LTBP1: variants seen among roughly 807,000 people sequenced by gnomAD.
LTBP1 encodes latent transforming growth factor beta binding protein 1.
LTBP1 carries 129 observed loss-of-function variants against 207.6 expected under a neutral mutation model. That is an observed-to-expected ratio of 0.62 (90% CI 0.54 to 0.72). The LOEUF is 0.72. LTBP1 is among the 30% of genes least tolerant of loss of function. The pLI, the probability that LTBP1 is intolerant of heterozygous loss-of-function variation, is 0.00. For synonymous variants in LTBP1, 963 were observed against 833.7 expected, an observed-to-expected ratio of 1.16 and a Z score of -2.67; for missense variants, 2,281 against 2,217.2, an observed-to-expected ratio of 1.03 and a Z score of -0.58.
chr2:33,069,095 T>G lies in LTBP1; in HGVS notation c.864-41487T>G, dbSNP rs531685767. Among the ~76,000 whole-genome samples, 6 of 152,342 alleles carry G rather than the reference T, an allele frequency of 3.9e-5. No individual in the cohort carries two copies. The South Asian group carries it at 1.2e-3, about 32-fold the overall frequency. Reference sequence around the variant, plus strand: ...GAAGTTAAGCTTACTTAAAGTTTACTCTTGTTCTGAAATTGTGTTAAGTTG... The same window carrying G: ...GAAGTTAAGCTTACTTAAAGTTTACGCTTGTTCTGAAATTGTGTTAAGTTG... On this transcript the variant is annotated intron_variant, in intron 3 of 33. Coordinates refer to ENST00000404816, the MANE Select transcript of LTBP1 (RefSeq NM_206943.4).
At chr2:33,328,481 A>G (rs1433497210) in intron 24 of LTBP1, among the ~76,000 whole-genome samples, 1 of 152,212 alleles carries the variant, frequency 6.6e-6, no homozygotes. Context: ...GGGAGGCCTC[A>G]GGAAACTTAC....
intron 31 of LTBP1, among the ~76,000 whole-genome samples, chr2:33,378,784 G>C (rs565541940): frequency 2.0e-5 from 3 of 152,298 alleles, no homozygotes; most frequent in Non-Finnish European, 4.4e-5. Flanking sequence ...GCCCATGTCT[G>C]TTAAACAGTG....
intron 33 of LTBP1, among the ~76,000 whole-genome samples, chr2:33,397,905 A>G (rs1170403527): frequency 6.6e-6 from 1 of 152,070 alleles, no homozygotes; most frequent in African/African-American, 2.4e-5. Flanking sequence ...TAGGTAACCT[A>G]GCTTCTTAAC....
intron 5 of LTBP1, among the ~76,000 whole-genome samples, chr2:33,176,154 A>G (rs1435512085): frequency 6.6e-6 from 1 of 152,026 alleles, no homozygotes; most frequent in Non-Finnish European, 1.5e-5. Context: ...TTAAAGTATA[A>G]TAATAATAAA....
intron 7 of LTBP1, among the ~76,000 whole-genome samples, chr2:33,214,187 C>G (rs990449214): frequency 3.3e-5 from 5 of 152,174 alleles, no homozygotes; most frequent in African/African-American, 1.2e-4. Context: ...GAAATAAACC[C>G]TAAGCATGCT....
intron 4 of LTBP1, among the ~76,000 whole-genome samples, chr2:33,130,520 T>A (rs2081714167): frequency 1.3e-5 from 2 of 152,344 alleles, no homozygotes; most frequent in South Asian, 4.1e-4. Flanking sequence ...TGTCTGTTTG[T>A]CAAGCACAGT....
intron 9 of LTBP1, among the ~76,000 whole-genome samples, chr2:33,234,029 A>G (rs1018717355): frequency 1.3e-5 from 2 of 151,988 alleles, no homozygotes; most frequent in Non-Finnish European, 2.9e-5. Context: ...ACTTCAGATC[A>G]ATTTTATCTT....
rs554523275 is a variant in LTBP1 at position 33,049,225 on chromosome 2, C to T, written c.863+28019C>T. Among the ~76,000 whole-genome samples, 195 of 152,196 alleles carry T rather than the reference C, an allele frequency of 1.3e-3. 1 individual carries two copies. Among genetic ancestry groups the T allele is most frequent in the Non-Finnish European group, 1.9e-3 (128 of 68,004 alleles). The stretch of plus-strand genomic sequence containing the variant: ...ATATTGGAAACAAACTAAAATCTTC[C>T]GGAGAGTTTAAAACCCAATAAAAAT... On this transcript the variant is annotated intron_variant, in intron 3 of 33. Coordinates refer to ENST00000404816, the MANE Select transcript of LTBP1 (RefSeq NM_206943.4).
At chr2:33,203,787 G>C (rs528647308) in intron 7 of LTBP1, among the ~76,000 whole-genome samples, 1 of 152,270 alleles carries the variant, frequency 6.6e-6, no homozygotes, top group African/African-American at 2.4e-5. Context: ...TAATTATGGA[G>C]CAGCTCAGAG....
At chr2:33,055,686 T>C (rs1303956478) in intron 3 of LTBP1, among the ~76,000 whole-genome samples, 2 of 152,224 alleles carry the variant, frequency 1.3e-5, no homozygotes, top group Non-Finnish European at 2.9e-5. Context: ...AGGTTTGCCC[T>C]AGACCCTGTA....
At chr2:33,120,415 A>C (rs997687101) in intron 4 of LTBP1, among the ~76,000 whole-genome samples, 4 of 152,002 alleles carry the variant, frequency 2.6e-5, no homozygotes, top group Non-Finnish European at 4.4e-5. Context: ...TTTAGCTCCC[A>C]CTTACAAGTG....
At chr2:33,168,419 A>G (rs1332656544) in intron 5 of LTBP1, among the ~76,000 whole-genome samples, 1 of 151,602 alleles carries the variant, frequency 6.6e-6, no homozygotes, top group East Asian at 1.9e-4. Context: ...AAAAAAAAGA[A>G]AAAAGAAAAA....
At chr2:33,141,266 G>T (rs1057228658) in intron 5 of LTBP1, among the ~76,000 whole-genome samples, 1 of 152,224 alleles carries the variant, frequency 6.6e-6, no homozygotes, top group African/African-American at 2.4e-5. Flanking sequence ...AAGTAGAATG[G>T]TGGTTGCCAG....
intron 3 of LTBP1, among the ~76,000 whole-genome samples, chr2:33,035,265 C>A (rs1048002973): frequency 4.6e-5 from 7 of 152,182 alleles, no homozygotes; most frequent in Non-Finnish European, 8.8e-5. Flanking sequence ...TTCTAAATGA[C>A]ACATAAATTG....
At chr2:33,360,083 G>A (rs899264230) in intron 26 of LTBP1, among the ~76,000 whole-genome samples, 1 of 152,144 alleles carries the variant, frequency 6.6e-6, no homozygotes, top group Admixed American at 6.5e-5. Flanking sequence ...AGTGATGAAA[G>A]GTTATTTAAT....
At chr2:33,164,581 T>G (rs1258319828) in intron 5 of LTBP1, among the ~76,000 whole-genome samples, 4 of 152,154 alleles carry the variant, frequency 2.6e-5, no homozygotes, top group Non-Finnish European at 5.9e-5. Flanking sequence ...TATTTCTGAT[T>G]ACAGAAAAAA....
chr2:33,315,445 C>T (rs2094255024), intron 24 of LTBP1, among the ~76,000 whole-genome samples, 176 bp downstream of exon 24: 1 of 152,050 alleles, frequency 6.6e-6, no homozygotes, highest in Admixed American at 6.6e-5. Context: ...CTGGGATTTA[C>T]GAAGAGGATA....
chr2:33,321,133 G>T (rs1291382273), intron 24 of LTBP1, among the ~76,000 whole-genome samples: 1 of 152,132 alleles, frequency 6.6e-6, no homozygotes, highest in Non-Finnish European at 1.5e-5. Flanking sequence ...TTTCAAAAAT[G>T]ATTCTACTAT....
rs13029145 is a variant in LTBP1 at position 32,948,983 on chromosome 2, C to T, written c.565+38C>T. On this transcript the variant is annotated intron_variant, in intron 2 of 33. Transcript: ENST00000404816. ...GTTCACAGTGGCCCTGCACAGTAGG[C>T]AAAGTGGGGGGAGGTGTCCACATGG... 0.079 allele frequency: 126,075 copies of T among 1,604,522 alleles called. 10,173 individuals are homozygous for T. The highest frequency in any genetic ancestry group is 0.48 in the East Asian group (21,420 of 44,802).
Sources: allele counts gnomAD v4.1 joint callset (sites outside exome capture counted in the v4.1 genomes callset), GRCh38; gene constraint gnomAD v4.1.1; transcripts MANE v1.5; gene names NCBI Gene and HGNC (gene_info 2026-07-23, HGNC 2026-07-21).